NAALADL2: variants seen among roughly 807,000 people sequenced by gnomAD.
NAALADL2 encodes inactive N-acetylated-alpha-linked acidic dipeptidase-like protein 2.
NAALADL2 carries 76 observed loss-of-function variants against 87.2 expected under a neutral mutation model. The observed-to-expected ratio is 0.87, with a 90% CI of 0.72 to 1.05. The LOEUF is 1.05. Ranked by LOEUF, NAALADL2 falls within the 50% of genes least tolerant of loss-of-function variation. The pLI, the probability that NAALADL2 is intolerant of heterozygous loss-of-function variation, is 0.00. For missense variants in NAALADL2, 1,089 were observed against 945.8 expected, an observed-to-expected ratio of 1.15 and a Z score of -1.99; for synonymous variants, 354 against 331.0, an observed-to-expected ratio of 1.07 and a Z score of -0.75.
chr3:175,236,394 A>C (rs1745870200), intron 3 of NAALADL2, among the ~76,000 whole-genome samples: 1 of 151,836 alleles, frequency 6.6e-6, no homozygotes, highest in African/African-American at 2.4e-5. Context: ...AAAAAAATAC[A>C]AAAAATTAAC....
At chr3:175,257,684 T>C (rs2109848134) in intron 4 of NAALADL2, among the ~76,000 whole-genome samples, 1 of 152,170 alleles carries the variant, frequency 6.6e-6, no homozygotes, top group East Asian at 1.9e-4. Flanking sequence ...TATTTGAAAA[T>C]CATGCTGCCT....
intron 1 of NAALADL2, among the ~76,000 whole-genome samples, chr3:175,089,025 A>AG (rs932961139): frequency 1.9e-4 from 13 of 66,880 alleles, no homozygotes; most frequent in Admixed American, 6.9e-4. Context: ...ACAGCAGGAG[A>AG]AAAAAAAAAT....
At chr3:175,794,220 C>A (rs1418576293) in intron 13 of NAALADL2, among the ~76,000 whole-genome samples, 1 of 152,054 alleles carries the variant, frequency 6.6e-6, no homozygotes, top group Non-Finnish European at 1.5e-5. Context: ...ACAGGTTCTA[C>A]CTACTGAGTG....
intron 9 of NAALADL2, among the ~76,000 whole-genome samples, chr3:175,541,841 A>G (rs1029309992): frequency 1.3e-5 from 2 of 151,862 alleles, no homozygotes; most frequent in African/African-American, 4.8e-5. Context: ...TCCTGCCTCA[A>G]CCTCAAATAT....
chr3:174,812,859 A>T (rs1280704725), intron 3 of NAALADL2, among the ~76,000 whole-genome samples: 1 of 152,142 alleles, frequency 6.6e-6, no homozygotes, highest in African/African-American at 2.4e-5. Context: ...TAAAGAAAAA[A>T]ATTTTCATAC....
intron 5 of NAALADL2, among the ~76,000 whole-genome samples, chr3:175,412,924 A>ATTATTATTC (rs1445481611): frequency 1.8e-4 from 26 of 145,644 alleles, no homozygotes; most frequent in African/African-American, 6.5e-4. Context: ...TATTATTATT[A>ATTATTATTC]TTATTTTTGA....
chr3:175,375,515 T>C (rs1193917304), intron 5 of NAALADL2, among the ~76,000 whole-genome samples: 2 of 152,154 alleles, frequency 1.3e-5, no homozygotes, highest in African/African-American at 2.4e-5. Flanking sequence ...TATTTAAGTT[T>C]GTTATATATT....
intron 11 of NAALADL2, among the ~76,000 whole-genome samples, chr3:175,727,301 G>C (rs1009520714): frequency 6.6e-6 from 1 of 152,098 alleles, no homozygotes; most frequent in African/African-American, 2.4e-5. Flanking sequence ...TCTTTCCTCC[G>C]GAGGTATTCA....
intron 11 of NAALADL2, among the ~76,000 whole-genome samples, chr3:175,683,385 A>G (rs1289414443): frequency 6.6e-6 from 1 of 151,942 alleles, no homozygotes; most frequent in Non-Finnish European, 1.5e-5. Context: ...GAGGTGTAGG[A>G]CATAGTCATG....
At chr3:175,393,587 A>G (rs890736132) in intron 5 of NAALADL2, among the ~76,000 whole-genome samples, 3 of 152,056 alleles carry the variant, frequency 2.0e-5, no homozygotes, top group Non-Finnish European at 4.4e-5. Context: ...ATTTTACTAG[A>G]TCATTTTGTG....
chr3:174,626,359 T>C (rs495097), intron 2 of NAALADL2, among the ~76,000 whole-genome samples: 94,709 of 151,832 alleles, frequency 0.62, 30,387 homozygotes, highest in East Asian at 0.87. Flanking sequence ...CAATTATTCC[T>C]ATTTTCAGTT....
chr3:175,674,722 T>C (rs1459930761), intron 11 of NAALADL2, among the ~76,000 whole-genome samples: 1 of 152,126 alleles, frequency 6.6e-6, no homozygotes, highest in African/African-American at 2.4e-5. Context: ...ATCATTTAAG[T>C]TTTACATGAT....
chr3:174,748,475 C>T (rs1293809688), intron 3 of NAALADL2, among the ~76,000 whole-genome samples: 1 of 152,022 alleles, frequency 6.6e-6, no homozygotes, highest in Non-Finnish European at 1.5e-5. Flanking sequence ...TGGTTTTAAT[C>T]AAGTGAAATC....
intron 2 of NAALADL2, among the ~76,000 whole-genome samples, chr3:175,210,303 A>G (rs1170564008): frequency 2.0e-5 from 3 of 151,854 alleles, no homozygotes; most frequent in Non-Finnish European, 4.4e-5. Flanking sequence ...AGTTAAGATA[A>G]TATGGTAAGA....
At chr3:174,753,699 C>T (rs1433126223) in intron 3 of NAALADL2, among the ~76,000 whole-genome samples, 3 of 152,160 alleles carry the variant, frequency 2.0e-5, no homozygotes, top group African/African-American at 7.2e-5. Context: ...CGCCTCCTCT[C>T]TACCCAGCCA....
intron 13 of NAALADL2, among the ~76,000 whole-genome samples, chr3:175,783,085 A>T (rs1208373055): frequency 4.0e-5 from 6 of 151,106 alleles, no homozygotes; most frequent in Admixed American, 1.3e-4. Flanking sequence ...TGGTACCAGT[A>T]CCATGCTGTT....
At chr3:174,921,050 C>G (rs1735109597) in intron 1 of NAALADL2, among the ~76,000 whole-genome samples, 1 of 151,992 alleles carries the variant, frequency 6.6e-6, no homozygotes, top group South Asian at 2.1e-4. Context: ...GATTACAGAT[C>G]ACAATAACAG....
At chr3:175,238,504 TTAA>T (rs1276437185) in intron 3 of NAALADL2, among the ~76,000 whole-genome samples, 3 of 152,166 alleles carry the variant, frequency 2.0e-5, no homozygotes, top group Admixed American at 6.5e-5. Flanking sequence ...TAAGATTGTA[TTAA>T]TAATGCAAAT....
intron 5 of NAALADL2, among the ~76,000 whole-genome samples, chr3:175,368,597 T>TGTGTG (rs1766006999): frequency 7.9e-6 from 1 of 126,888 alleles, no homozygotes; most frequent in African/African-American, 2.7e-5. Context: ...GTGTGTGTGT[T>TGTGTG]TATAGCCAGT....
Sources: gnomAD v4.1 joint callset for allele counts (sites outside exome capture counted in the v4.1 genomes callset) on GRCh38, gnomAD v4.1.1 for gene constraint, MANE v1.5 for transcripts, NCBI Gene and HGNC (gene_info 2026-07-23, HGNC 2026-07-21) for gene names.